The following HYCC1 variants were observed in gnomAD, a reference collection of about 807,000 sequenced individuals.
The protein encoded by HYCC1 is hyccin.
the HYCC1 span, among the ~76,000 whole-genome samples, chr7:22,898,958 C>T: frequency 6.6e-6 from 1 of 152,190 alleles, no homozygotes; most frequent in Non-Finnish European, 1.5e-5. Flanking sequence ...AGCAAGCTTG[C>T]ATACAGGAAG....
the HYCC1 span, among the ~76,000 whole-genome samples, chr7:22,987,099 G>A: frequency 6.6e-6 from 1 of 152,110 alleles, no homozygotes; most frequent in African/African-American, 2.4e-5. Context: ...TCAGGAGTCT[G>A]GAAATCTGCT....
the HYCC1 span, among the ~76,000 whole-genome samples, chr7:22,920,171 C>A: frequency 3.9e-3 from 596 of 151,310 alleles, 6 homozygotes; most frequent in African/African-American, 0.014. Flanking sequence ...TTTTGTAGAT[C>A]CTGCCTCCAC....
the HYCC1 span, among the ~76,000 whole-genome samples, chr7:22,905,401 T>TC: frequency 7.0e-6 from 1 of 142,648 alleles, no homozygotes; most frequent in East Asian, 2.1e-4. Flanking sequence ...TTTTTTTTTT[T>TC]TTTTTTTTTT....
chr7:23,011,136 C>A, the HYCC1 span, among the ~76,000 whole-genome samples: 1 of 152,202 alleles, frequency 6.6e-6, no homozygotes. Context: ...GTCCTCCTAC[C>A]TTGCTAGCTA....
At chr7:22,998,782 T>C in the HYCC1 span, among the ~76,000 whole-genome samples, 50,461 of 151,948 alleles carry the variant, frequency 0.33, 8,458 homozygotes, top group East Asian at 0.36. Context: ...TGCCATATAA[T>C]CTTGCTGAAA....
chr7:22,943,227 T>G, the HYCC1 span: 1 of 152,298 alleles, frequency 6.6e-6, no homozygotes, highest in East Asian at 1.9e-4. Flanking sequence ...ATTATTAAAC[T>G]AATTAATTAG....
At chr7:22,978,119 T>TC in the HYCC1 span, 4 of 713,596 alleles carry the variant, frequency 5.6e-6, no homozygotes, top group Middle Eastern at 3.7e-4. Flanking sequence ...TGTCTCCCAA[T>TC]CCCCAGAAAG....
At chr7:22,907,701 G>T in the HYCC1 span, among the ~76,000 whole-genome samples, 1 of 152,106 alleles carries the variant, frequency 6.6e-6, no homozygotes, top group African/African-American at 2.4e-5. Context: ...CTTGATGTCA[G>T]GAGTTTGAGA....
chr7:23,001,118 T>C, the HYCC1 span, among the ~76,000 whole-genome samples: 2 of 152,186 alleles, frequency 1.3e-5, no homozygotes, highest in East Asian at 3.8e-4. Context: ...GTGTCATACA[T>C]AGCAATGGTA....
At chr7:23,012,955 A>C in the HYCC1 span, among the ~76,000 whole-genome samples, 2 of 152,208 alleles carry the variant, frequency 1.3e-5, no homozygotes, top group African/African-American at 4.8e-5. Flanking sequence ...CTCTGAGATA[A>C]GAAGTAGCTG....
the HYCC1 span, among the ~76,000 whole-genome samples, chr7:22,921,835 G>GA: frequency 6.6e-6 from 1 of 152,078 alleles, no homozygotes; most frequent in African/African-American, 2.4e-5. Flanking sequence ...AAGTTTGGTT[G>GA]AAAAAAATCC....
chr7:22,911,262 G>C, the HYCC1 span, among the ~76,000 whole-genome samples: 4 of 152,112 alleles, frequency 2.6e-5, no homozygotes, highest in East Asian at 7.7e-4. Flanking sequence ...GTGTAGGCTG[G>C]TTTTGTTTTG....
At chr7:22,974,660 T>C in the HYCC1 span, among the ~76,000 whole-genome samples, 1 of 152,342 alleles carries the variant, frequency 6.6e-6, no homozygotes, top group South Asian at 2.1e-4. Flanking sequence ...TATCAAGTTC[T>C]GATTTTTTGT....
chr7:22,961,211 T>C, the HYCC1 span: 1 of 1,424,428 alleles, frequency 7.0e-7, no homozygotes, highest in Non-Finnish European at 9.9e-7. Context: ...TTATAACATT[T>C]ACATAAATAA....
the HYCC1 span, among the ~76,000 whole-genome samples, chr7:22,912,198 T>G: frequency 6.6e-6 from 1 of 152,302 alleles, no homozygotes; most frequent in Admixed American, 6.5e-5. Context: ...AAACATTTAT[T>G]AAAGAAAATC....
chr7:23,006,887 T>C, the HYCC1 span, among the ~76,000 whole-genome samples: 1 of 152,150 alleles, frequency 6.6e-6, no homozygotes, highest in Non-Finnish European at 1.5e-5. Flanking sequence ...CAAACTAAAA[T>C]GGAAAAGTAC....
chr7:22,948,533 G>A, the HYCC1 span, among the ~76,000 whole-genome samples: 1 of 152,006 alleles, frequency 6.6e-6, no homozygotes, highest in African/African-American at 2.4e-5. Flanking sequence ...GGTGACTAAC[G>A]TGTAACAAAG....
chr7:23,001,386 C>T, the HYCC1 span, among the ~76,000 whole-genome samples: 1 of 152,274 alleles, frequency 6.6e-6, no homozygotes, highest in African/African-American at 2.4e-5. Flanking sequence ...TTCTAATCAC[C>T]ATGCTATCAG....
chr7:22,994,480 T>C, the HYCC1 span, among the ~76,000 whole-genome samples: 1 of 152,186 alleles, frequency 6.6e-6, no homozygotes, highest in Non-Finnish European at 1.5e-5. Flanking sequence ...CTCAAGTGTA[T>C]ACATTTGGTG....
Sources: allele counts gnomAD v4.1 joint callset (sites outside exome capture counted in the v4.1 genomes callset), GRCh38; gene constraint gnomAD v4.1.1; transcripts MANE v1.5; gene names NCBI Gene and HGNC (gene_info 2026-07-23, HGNC 2026-07-21).